RGS6: variants seen among roughly 807,000 people sequenced by gnomAD.
RGS6 encodes the protein regulator of G-protein signaling 6.
RGS6 carries 30 observed loss-of-function variants against 78.5 expected under a neutral mutation model. The observed-to-expected ratio is 0.38, with a 90% CI of 0.29 to 0.52. The LOEUF (loss-of-function observed/expected upper bound fraction) is 0.52. Ranked by LOEUF, RGS6 falls within the 20% of genes least tolerant of loss-of-function variation. The probability of loss-of-function intolerance (pLI) is 0.85; values close to 1 mark genes in which losing one functional copy is unlikely to be tolerated. For missense variants in RGS6, 495 were observed against 609.7 expected (o/e 0.81, Z 1.98); for synonymous variants, 206 against 206.0 (o/e 1.00, Z 0.00).
chr14:72,117,956 C>T (rs1181442699), intron 2 of RGS6, among the ~76,000 whole-genome samples: 2 of 152,130 alleles, frequency 1.3e-5, no homozygotes, highest in African/African-American at 2.4e-5. Context: ...ACCCATGATA[C>T]TCACCTGCAG....
chr14:72,351,963 C>A, intron 2 of RGS6, 132 bp from the exon 3 acceptor site: 1 of 654,312 alleles, frequency 1.5e-6, no homozygotes, highest in Non-Finnish European at 2.7e-6. Flanking sequence ...TATTTATTGA[C>A]CAACTAGATG....
rs557182314 is a variant in RGS6, at chr14:72,397,183, G to A, written c.184+44989G>A. Among the ~76,000 whole-genome samples, 8 of 152,312 alleles carry A rather than the reference G, an allele frequency of 5.3e-5. No individual in the cohort carries two copies. In the South Asian group the frequency reaches 1.7e-3, roughly 32 times the overall value. On this transcript the variant is annotated intron_variant, in intron 3 of 17. Coordinates refer to ENST00000553525, the MANE Select transcript of RGS6 (RefSeq NM_001204424.2). ...CACGATATCGATTCTTCCTAGCCTT[G>A]AGCATGGAATGTTCTTCCATTTGTA...
At chr14:71,870,077 A>G in the RGS6 span, among the ~76,000 whole-genome samples, 6 of 152,216 alleles carry the variant, frequency 3.9e-5, no homozygotes, top group Non-Finnish European at 7.3e-5. Context: ...AGTTTCCCAA[A>G]GGGCTAAACT....
intron 12 of RGS6, among the ~76,000 whole-genome samples, chr14:72,490,774 C>T (rs2096568210): frequency 6.6e-6 from 1 of 152,200 alleles, no homozygotes; most frequent in African/African-American, 2.4e-5. Flanking sequence ...AAATTTACAT[C>T]CATCTTCAAA....
intron 1 of RGS6, among the ~76,000 whole-genome samples, chr14:71,941,990 C>G (rs1432805303): frequency 6.6e-6 from 1 of 152,124 alleles, no homozygotes; most frequent in East Asian, 1.9e-4. Flanking sequence ...CCATCCAGTG[C>G]CCCAAAATAT....
chr14:72,489,729 GCAAGGCGAGGTGAGA>G (rs1478048534), intron 12 of RGS6, among the ~76,000 whole-genome samples: 1 of 149,658 alleles, frequency 6.7e-6, no homozygotes, highest in Non-Finnish European at 1.5e-5. Flanking sequence ...GAAAGGAGAG[GCAAGGCGAGGTGAGA>G]CGAGGCGAGG....
chr14:72,111,680 AAC>A (rs928182782), intron 2 of RGS6, among the ~76,000 whole-genome samples: 1 of 152,174 alleles, frequency 6.6e-6, no homozygotes, highest in Admixed American at 6.5e-5. Context: ...GCCTTTTCCC[AAC>A]AGAGGTTACC....
At chr14:71,911,031 T>C in the RGS6 span, among the ~76,000 whole-genome samples, 1 of 152,206 alleles carries the variant, frequency 6.6e-6, no homozygotes, top group African/African-American at 2.4e-5. Flanking sequence ...TCTGATCTCA[T>C]AGAGATCTGT....
chr14:72,137,651 T>C (rs1200963084), intron 2 of RGS6, among the ~76,000 whole-genome samples: 6 of 152,226 alleles, frequency 3.9e-5, no homozygotes, highest in East Asian at 3.8e-4. Context: ...TTTTTAAAGA[T>C]ACAAGTGGAC....
chr14:72,196,927 G>C lies in RGS6; in HGVS notation c.85-155168G>C, dbSNP rs1226219186. ...GTTTTTGAGATCTGTAAATTCCCCA[G>C]AGACTTAAATTGCTTGAATTATTGA... On this transcript the variant is annotated intron_variant, in intron 2 of 17. Transcript: ENST00000553525. Among the ~76,000 whole-genome samples the C allele has an allele frequency of 2.6e-5, 4 of 152,316 alleles. No individual in the cohort carries two copies. The East Asian group carries it at 5.8e-4, about 22-fold the overall frequency.
intron 17 of RGS6, among the ~76,000 whole-genome samples, chr14:72,544,261 G>A (rs1407827916): frequency 1.3e-5 from 2 of 152,214 alleles, no homozygotes; most frequent in African/African-American, 4.8e-5. Context: ...GGAGAAGCTG[G>A]AGAAAGTCCT....
intron 1 of RGS6, among the ~76,000 whole-genome samples, chr14:71,953,686 T>C (rs988363371): frequency 1.3e-5 from 2 of 151,980 alleles, no homozygotes; most frequent in Non-Finnish European, 2.9e-5. Flanking sequence ...CTATGAACAT[T>C]ATTCAAAAGG....
intron 1 of RGS6, among the ~76,000 whole-genome samples, chr14:71,943,761 C>G (rs1245401250): frequency 5.3e-5 from 8 of 152,114 alleles, no homozygotes; most frequent in Admixed American, 5.2e-4. Flanking sequence ...TTCTCTGCAT[C>G]CTTGGGATTT....
chr14:72,214,291 C>A (rs1245233626), intron 2 of RGS6, among the ~76,000 whole-genome samples: 5 of 151,864 alleles, frequency 3.3e-5, no homozygotes, highest in Non-Finnish European at 7.4e-5. Flanking sequence ...ATCCTCCCAC[C>A]TCAGCCTCTT....
the RGS6 span, among the ~76,000 whole-genome samples, chr14:71,896,525 T>G: frequency 6.6e-6 from 1 of 152,190 alleles, no homozygotes; most frequent in Non-Finnish European, 1.5e-5. Context: ...CAGCAAGGTC[T>G]TTATGACTTG....
intron 2 of RGS6, among the ~76,000 whole-genome samples, chr14:72,192,263 G>C (rs973513517): frequency 3.3e-5 from 5 of 152,180 alleles, no homozygotes; most frequent in Admixed American, 6.5e-5. Context: ...ACCATTTGCA[G>C]AGTTCTTTCC....
chr14:72,297,887 T>C (rs890855007), intron 2 of RGS6, among the ~76,000 whole-genome samples: 1 of 152,104 alleles, frequency 6.6e-6, no homozygotes, highest in Non-Finnish European at 1.5e-5. Flanking sequence ...TTTTAAATAG[T>C]ATTTTAACAT....
chr14:72,555,051 G>A (rs1332694720), intron 17 of RGS6, among the ~76,000 whole-genome samples: 5 of 152,214 alleles, frequency 3.3e-5, no homozygotes, highest in African/African-American at 9.6e-5. Context: ...ACACCAGCAG[G>A]GAGGGCTTCC....
intron 2 of RGS6, among the ~76,000 whole-genome samples, chr14:72,013,815 G>A (rs2086377469): frequency 6.6e-6 from 1 of 152,210 alleles, no homozygotes; most frequent in Non-Finnish European, 1.5e-5. Flanking sequence ...GGGCCTTCAG[G>A]CTTTTCTCCT....
Sources: gnomAD v4.1 joint callset for allele counts (sites outside exome capture counted in the v4.1 genomes callset) on GRCh38, gnomAD v4.1.1 for gene constraint, MANE v1.5 for transcripts, NCBI Gene and HGNC (gene_info 2026-07-23, HGNC 2026-07-21) for gene names.